DIXDC1: variants seen among roughly 807,000 people sequenced by gnomAD.
DIXDC1 encodes the protein DIX domain containing 1.
A neutral mutation model predicts 103.1 loss-of-function variants in DIXDC1; 64 were observed. The ratio of observed to expected loss-of-function variants is 0.62; its 90% confidence interval spans 0.51 to 0.76. The LOEUF is 0.76. Ranked by LOEUF, DIXDC1 falls within the 30% of genes least tolerant of loss-of-function variation. The pLI is 0.00. For missense variants in DIXDC1, 759 were observed against 834.2 expected (o/e 0.91, Z 1.11); for synonymous variants, 266 against 298.5 (o/e 0.89, Z 1.12).
At chr11:111,994,449 A>G (rs1555175040) in intron 14 of DIXDC1, among the ~76,000 whole-genome samples, 1 of 151,420 alleles carries the variant, frequency 6.6e-6, no homozygotes, top group East Asian at 1.9e-4. Flanking sequence ...ACACATATAT[A>G]TACATACACA....
intron 17 of DIXDC1, among the ~76,000 whole-genome samples, chr11:112,008,547 A>G (rs1861313665): frequency 6.6e-6 from 1 of 152,238 alleles, no homozygotes; most frequent in Non-Finnish European, 1.5e-5. Flanking sequence ...AATTGATCAT[A>G]CAGTTGGAAG....
chr11:112,014,907 CAG>C (rs1555177563), intron 17 of DIXDC1, among the ~76,000 whole-genome samples: 1 of 149,530 alleles, frequency 6.7e-6, no homozygotes, highest in African/African-American at 2.5e-5. Context: ...TTTTTGGAGA[CAG>C]AGTTTCACTT....
chr11:111,966,334 T>C (rs587759521), intron 2 of DIXDC1, among the ~76,000 whole-genome samples: 1 of 147,672 alleles, frequency 6.8e-6, no homozygotes, highest in African/African-American at 2.5e-5. Flanking sequence ...GCAATTCTCC[T>C]GCTTCAGCCT....
At chr11:112,015,728 G>C (rs587699689) in intron 17 of DIXDC1, among the ~76,000 whole-genome samples, 28 of 151,700 alleles carry the variant, frequency 1.8e-4, no homozygotes, top group African/African-American at 5.1e-4. Context: ...CTTAAACCTG[G>C]GAGGTGGAGG....
At chr11:111,966,434 C>T (rs372813033) in intron 2 of DIXDC1, among the ~76,000 whole-genome samples, 4 of 131,760 alleles carry the variant, frequency 3.0e-5, no homozygotes, top group Admixed American at 8.1e-5. Context: ...GACGGAGTCT[C>T]GCTCTGTGGC....
chr11:112,005,208 A>G (rs1555176472), intron 17 of DIXDC1, among the ~76,000 whole-genome samples: 1 of 152,238 alleles, frequency 6.6e-6, no homozygotes, highest in Non-Finnish European at 1.5e-5. Flanking sequence ...TGGATTTAAA[A>G]GTAAAAAGAT....
At chr11:111,985,676 G>A (rs1287024600) in intron 8 of DIXDC1, among the ~76,000 whole-genome samples, 1 of 151,936 alleles carries the variant, frequency 6.6e-6, no homozygotes, top group Non-Finnish European at 1.5e-5. Flanking sequence ...GCCCTCATGT[G>A]TCTTAAACAT....
intron 1 of DIXDC1, among the ~76,000 whole-genome samples, chr11:111,942,303 C>A (rs1555168944): frequency 1.3e-5 from 2 of 152,158 alleles, no homozygotes; most frequent in African/African-American, 4.8e-5. Context: ...TAGCCAGGTG[C>A]CACTCCCCGA....
chr11:111,997,396 C>T (rs1230733036), intron 17 of DIXDC1, among the ~76,000 whole-genome samples: 2 of 151,578 alleles, frequency 1.3e-5, no homozygotes, highest in Non-Finnish European at 2.9e-5. Context: ...AGTGCAGTGG[C>T]GCAATCTCTG....
At chr11:111,995,317 G>A (rs1383154044) in intron 15 of DIXDC1, 86 bp from the exon 16 acceptor site, 8 of 1,545,510 alleles carry the variant, frequency 5.2e-6, no homozygotes, top group African/African-American at 4.1e-5. Context: ...AAAATCTTCT[G>A]GAAACTTCTC....
chr11:111,929,930 T>C, intron 2 of DIXDC1: 1 of 1,534,604 alleles, frequency 6.5e-7, no homozygotes. Flanking sequence ...TGGTGTACTA[T>C]TGTGAAAAGC....
In DIXDC1 at chr11:111,995,442, C is replaced by A. The variant is rs1337039367; in HGVS notation, c.1567C>A (p.Leu523Met). Reference protein sequence around the residue: ...LQLVRDALRSLRNSFSGHDPQ... With the variant: ...LQLVRDALRSMRNSFSGHDPQ... Reference sequence around the variant, plus strand: ...GCTTGTTCGAGATGCTCTCCGCAGCCTGCGCAACAGCTTCAGTGGCCACGA... The same window carrying A: ...GCTTGTTCGAGATGCTCTCCGCAGCATGCGCAACAGCTTCAGTGGCCACGA... Residue 523 changes from leucine to methionine, a missense_variant, in exon 16 of 20, where the codon CTG (leucine) becomes ATG (methionine). Leu to Met is a conservative substitution (Grantham distance 15). This residue lies in a region of DIXDC1 where 657 missense variants were observed against 727.5 expected (regional missense o/e 0.90). Coordinates refer to ENST00000440460, the MANE Select transcript of DIXDC1 (RefSeq NM_001037954.4). The A allele has an allele frequency of 1.1e-5, 17 of 1,613,642 alleles. No individual in the cohort carries two copies. Among genetic ancestry groups the A allele is most frequent in the Non-Finnish European group, 1.4e-5 (17 of 1,179,902 alleles).
intron 8 of DIXDC1, among the ~76,000 whole-genome samples, chr11:111,986,493 C>T (rs2851187): frequency 0.5 from 75,810 of 150,866 alleles, 21,375 homozygotes; most frequent in African/African-American, 0.77. Context: ...GCCTCCCAAG[C>T]AGCTGGGATT....
chr11:111,969,199 G>T (rs77523442), intron 3 of DIXDC1, among the ~76,000 whole-genome samples: 1 of 151,898 alleles, frequency 6.6e-6, no homozygotes, highest in Non-Finnish European at 1.5e-5. Flanking sequence ...AGGCCAAGGC[G>T]GGAGGATCAC....
intron 1 of DIXDC1, chr11:111,928,289 C>T (rs1256172909): frequency 6.6e-6 from 1 of 152,178 alleles, no homozygotes; most frequent in African/African-American, 2.4e-5. Flanking sequence ...GTGGCTCACG[C>T]CTGTAATCCC....
At chr11:111,955,987 T>TAC (rs71461600) in intron 1 of DIXDC1, among the ~76,000 whole-genome samples, 11,748 of 142,518 alleles carry the variant, frequency 0.082, 519 homozygotes, top group African/African-American at 0.12. Context: ...TATATATGTG[T>TAC]ACACACACAC....
chr11:111,978,606 C>G (rs1205969453), intron 5 of DIXDC1, among the ~76,000 whole-genome samples: 2 of 152,206 alleles, frequency 1.3e-5, no homozygotes, highest in Non-Finnish European at 2.9e-5. Flanking sequence ...TGGGAGATAA[C>G]TCTTAGGAAG....
intron 1 of DIXDC1, among the ~76,000 whole-genome samples, chr11:111,943,504 T>TG (rs1406715911): frequency 6.4e-4 from 92 of 144,438 alleles, no homozygotes; most frequent in African/African-American, 2.3e-3. Flanking sequence ...TTTTTTTTTT[T>TG]TTTTTTGTTT....
intron 17 of DIXDC1, among the ~76,000 whole-genome samples, chr11:112,007,953 T>C (rs894880210): frequency 8.6e-5 from 13 of 152,002 alleles, no homozygotes; most frequent in Non-Finnish European, 2.9e-5. Flanking sequence ...AATTCACACA[T>C]AACAATATTA....
Sources: gnomAD v4.1 joint callset for allele counts (sites outside exome capture counted in the v4.1 genomes callset) on GRCh38, gnomAD v4.1.1 for gene constraint, gnomAD v4.1.1 regional missense constraint, MANE v1.5 for transcripts, NCBI Gene and HGNC (gene_info 2026-07-23, HGNC 2026-07-21) for gene names.